Variants in TPR observed in about 807,000 individuals in gnomAD.
TPR encodes the protein translocated promoter region, nuclear basket protein.
TPR carries 51 observed loss-of-function variants against 316.1 expected under a neutral mutation model. That is an observed-to-expected ratio of 0.16 (90% confidence interval 0.13 to 0.20). The LOEUF (loss-of-function observed/expected upper bound fraction) is 0.20, where lower values mean the gene tolerates loss of function less well. Ranked by LOEUF, TPR falls within the 10% of genes least tolerant of loss-of-function variation. TPR has a pLI of 1.00. For synonymous variants in TPR, 981 were observed against 914.7 expected (o/e 1.07, Z -1.31); for missense variants, 2,272 against 2,754.8 (o/e 0.82, Z 3.92).
rs771628935 is a variant in TPR, at chr1:186,336,485, C to A, written c.4705+11G>T. 1.2e-6 allele frequency: 2 copies of A among 1,612,956 alleles called. No homozygotes were observed. Among genetic ancestry groups the A allele is most frequent in the South Asian group, 2.2e-5 (2 of 91,074 alleles). Reference sequence around the variant, plus strand: ...TTCACTACCAAGTTCAAACTTTAAACAGATATTTACCAGCTAAGTGTGCAA... The same window carrying A: ...TTCACTACCAAGTTCAAACTTTAAAAAGATATTTACCAGCTAAGTGTGCAA... On this transcript the variant is annotated intron_variant, in intron 33 of 50. Transcript: ENST00000367478.
Position 186,358,625 on chromosome 1 carries a change from G to C in TPR, c.1415C>G (p.Thr472Ser). The C allele has an allele frequency of 6.2e-7, 1 of 1,611,822 alleles. No individual in the cohort carries two copies. Among genetic ancestry groups the C allele is most frequent in the African/African-American group, 1.3e-5 (1 of 74,882 alleles). ...MKEIQRLQED[T>S]DKANKQSSVL... ...AGATGATTGCTTGTTGGCTTTATCAGTGTCCTCCTGCAATCGCTGAATCTC... is the reference window on the plus strand; with the variant it reads ...AGATGATTGCTTGTTGGCTTTATCACTGTCCTCCTGCAATCGCTGAATCTC... Residue 472 changes from threonine to serine, a missense_variant, in exon 13 of 51, where the codon ACT (threonine) becomes AGT (serine). By Grantham distance (58) the Thr-to-Ser change is moderately conservative. This residue lies in a region of TPR where 549 missense variants were observed against 598.6 expected (regional missense o/e 0.92). Coordinates refer to ENST00000367478, the MANE Select transcript of TPR (RefSeq NM_003292.3).
At chr1:186,316,620 A>G (rs74715932) in intron 49 of TPR, among the ~76,000 whole-genome samples, 3 of 152,220 alleles carry the variant, frequency 2.0e-5, no homozygotes, top group Admixed American at 6.5e-5. Flanking sequence ...AATTTGAGAT[A>G]GATGAGCTAG....
At position 186,347,354 on chromosome 1, in the gene TPR, T is replaced by C. The variant is rs1658712606; in HGVS notation, c.2881A>G (p.Asn961Asp). ...ACCATTGCTTGATATTGTTCCACATTGCTCGTACTTGTTTTGAGTCTCTCC... is the reference window on the plus strand; with the variant it reads ...ACCATTGCTTGATATTGTTCCACATCGCTCGTACTTGTTTTGAGTCTCTCC... ...LKERLKTSTS[N>D]VEQYQAMVTS... is the part of the protein sequence containing the mutation. The change falls in exon 22 of 51, where the codon AAT becomes GAT. Residue 961 changes from asparagine (N) to aspartate (D), a missense_variant. Around this residue, in one of 10 missense-constraint regions of TPR, gnomAD observed 757 missense variants for 859.8 expected, o/e 0.88. Coordinates refer to ENST00000367478, the MANE Select transcript of TPR (RefSeq NM_003292.3). 6.2e-7 allele frequency: 1 copy of C among 1,614,094 alleles called. No homozygotes were observed. The highest frequency in any genetic ancestry group is 8.5e-7 in the Non-Finnish European group (1 of 1,179,988).
At chr1:186,315,821 C>A (rs1194239752) in intron 49 of TPR, among the ~76,000 whole-genome samples, 2 of 149,810 alleles carry the variant, frequency 1.3e-5, no homozygotes, top group Non-Finnish European at 3.0e-5. Flanking sequence ...TGAACACAAG[C>A]AGACACACTG....
chr1:186,373,453 A>G lies in TPR; in HGVS notation c.162T>C (p.Tyr54=). 6.2e-7 allele frequency: 1 copy of G among 1,612,452 alleles called. No individual in the cohort carries two copies. Residue 54 remains tyrosine, a synonymous_variant, in exon 2 of 51, where the codon TAT becomes TAC. Transcript: ENST00000367478. ...GGGACAACCTCTTTTCTATTTCAAA[A>G]TACTGTTGTTCTACAGCAGACAAGC... The part of the protein sequence containing the change: ...EKFKVESEQQ[Y]FEIEKRLSHS...
At chr1:186,362,682 G>A (rs150234796) in intron 6 of TPR, among the ~76,000 whole-genome samples, 155 bp downstream of exon 6, 1 of 151,842 alleles carries the variant, frequency 6.6e-6, no homozygotes, top group Non-Finnish European at 1.5e-5. Flanking sequence ...AAACGCAATT[G>A]GTTGATTTTT....
intron 30 of TPR, 141 bp downstream of exon 30, chr1:186,339,501 A>T (rs1274176407): frequency 1.9e-6 from 1 of 529,184 alleles, no homozygotes; most frequent in Non-Finnish European, 3.0e-6. Flanking sequence ...TGACTCTACA[A>T]AGTAGATGGA....
intron 7 of TPR, 98 bp from the exon 8 acceptor site, chr1:186,361,967 G>A: frequency 8.5e-7 from 1 of 1,182,176 alleles, no homozygotes. Context: ...TAAAGTAAGA[G>A]CTAAATCTAA....
chr1:186,360,397 G>T (rs569837413), intron 10 of TPR, 33 bp from the exon 11 acceptor site: 1 of 1,604,426 alleles, frequency 6.2e-7, no homozygotes, highest in African/African-American at 1.3e-5. Context: ...AGTATAATTT[G>T]TAAAATTCCA....
At chr1:186,329,151 A>C (rs193291013) in intron 39 of TPR, among the ~76,000 whole-genome samples, 178 of 152,298 alleles carry the variant, frequency 1.2e-3, no homozygotes, top group African/African-American at 4.1e-3. Flanking sequence ...TAAAAATCCA[A>C]ATGGTATTTT....
chr1:186,355,640 T>G lies in TPR; in HGVS notation c.2017A>C (p.Lys673Gln). The change falls in exon 16 of 51, where the codon AAA becomes CAA. Residue 673 changes from lysine to glutamine, a missense_variant. By Grantham distance (53) the Lys-to-Gln change is moderately conservative. Coordinates refer to ENST00000367478, the MANE Select transcript of TPR (RefSeq NM_003292.3). ...TEAIEAKAAL[K>Q]QLQEIFENYK... is the part of the protein sequence containing the mutation. ...GACAAAGGTGTGATCTTTACCTGTT[T>G]AAGGGCAGCCTTAGCCTCTATAGCC... The G allele has an allele frequency of 6.2e-7, 1 of 1,614,142 alleles. No homozygotes were observed. The highest frequency in any genetic ancestry group is 8.5e-7 in the Non-Finnish European group (1 of 1,180,008).
Position 186,313,473 on chromosome 1 carries a change from G to A in TPR, c.*498C>T. On this transcript the variant is annotated 3_prime_UTR_variant, in exon 51 of 51. Coordinates refer to ENST00000367478, the MANE Select transcript of TPR (RefSeq NM_003292.3). Reference sequence around the variant, plus strand: ...GCTGAACCTGATTTTACAAAAAGATGGTGAAATGTCAATCTTTTGAAACAT... The same window carrying A: ...GCTGAACCTGATTTTACAAAAAGATAGTGAAATGTCAATCTTTTGAAACAT... 2 of 516,668 alleles carry A rather than the reference G, an allele frequency of 3.9e-6. No individual in the cohort carries two copies. Among genetic ancestry groups the A allele is most frequent in the East Asian group, 3.2e-5 (1 of 31,176 alleles). The allele number at this position is 516,668 out of a possible 1,614,324, so 32.0% of individuals were successfully genotyped here. A position where few individuals can be genotyped will look rare whatever the true frequency, so the allele number is the denominator to read the frequency against.
Position 186,371,011 on chromosome 1 carries a change from T to C in TPR, c.289A>G (p.Lys97Glu). The C allele has an allele frequency of 6.2e-7, 1 of 1,613,102 alleles. No individual in the cohort carries two copies. The highest frequency in any genetic ancestry group is 8.5e-7 in the Non-Finnish European group (1 of 1,179,504). Reference protein sequence around the residue: ...NQLKALTEKNKELEIAQDRNI... With the variant: ...NQLKALTEKNEELEIAQDRNI... ...CGATCCTGAGCAATTTCAAGTTCTT[T>C]GTTTTTCTCAGTTAGTGCCTTCAGT... is the stretch of plus-strand genomic sequence containing the variant. Residue 97 changes from lysine (K) to glutamate (E), a missense_variant, in exon 3 of 51, where the codon AAA becomes GAA. By Grantham distance (56) the Lys-to-Glu change is moderately conservative. Transcript: ENST00000367478.
At position 186,334,549 on chromosome 1, in the gene TPR, A is replaced by G. The variant is rs1658281025; in HGVS notation, c.4974-16T>C. On this transcript the variant is annotated splice_polypyrimidine_tract_variant and intron_variant, in intron 35 of 50. Coordinates refer to ENST00000367478, the MANE Select transcript of TPR (RefSeq NM_003292.3). Reference sequence around the variant, plus strand: ...TGTGCTGGCACTTATAGAGGAGAAAATGGAAGAATAATTAATAACAAATTA... The same window carrying G: ...TGTGCTGGCACTTATAGAGGAGAAAGTGGAAGAATAATTAATAACAAATTA... The G allele has an allele frequency of 1.2e-6, 2 of 1,602,302 alleles. No individual in the cohort carries two copies. Among genetic ancestry groups the G allele is most frequent in the East Asian group, 4.5e-5 (2 of 44,662 alleles).
rs368756242 is a variant in TPR, at chr1:186,326,060, G to A, written c.6021+44C>T. 6.2e-6 allele frequency: 10 copies of A among 1,610,102 alleles called. No individual in the cohort carries two copies. The African/African-American group carries it at 6.7e-5, about 11-fold the overall frequency. On this transcript the variant is annotated intron_variant, in intron 41 of 50. Coordinates refer to ENST00000367478, the MANE Select transcript of TPR (RefSeq NM_003292.3). The stretch of plus-strand genomic sequence containing the variant: ...CTTGGAAAACAGCAAGTGAAAGAAA[G>A]CTCATAGAAAGAACTATGAATGGTT...
chr1:186,360,477 A>G, intron 10 of TPR, 113 bp from the exon 11 acceptor site: 1 of 1,118,524 alleles, frequency 8.9e-7, no homozygotes, highest in Non-Finnish European at 1.3e-6. Context: ...ATTCCTATAA[A>G]AATTTTAAAT....
chr1:186,343,449 A>T lies in TPR; in HGVS notation c.3627T>A (p.Ile1209=). The stretch of plus-strand genomic sequence containing the variant: ...GAGCCACCTCAAACCTAGTTTCAGC[A>T]ATTTCTTTTTCTCGTCGTATAAATC... ...ILRFIRREKE[I]AETRFEVAQV... is the part of the protein sequence containing the mutation. The change falls in exon 27 of 51, where the codon ATT becomes ATA. Residue 1209 remains isoleucine (I), a synonymous_variant. Transcript: ENST00000367478. The T allele has an allele frequency of 1.2e-6, 2 of 1,613,068 alleles. No individual in the cohort carries two copies. The highest frequency in any genetic ancestry group is 2.2e-5 in the East Asian group (1 of 44,858).
intron 22 of TPR, among the ~76,000 whole-genome samples, chr1:186,346,960 T>C (rs796105355): frequency 8.5e-5 from 13 of 152,100 alleles, no homozygotes; most frequent in African/African-American, 3.1e-4. Context: ...CTCTATTTCC[T>C]ATACAGATAC....
intron 14 of TPR, among the ~76,000 whole-genome samples, chr1:186,356,710 C>T (rs1222872594): frequency 6.6e-6 from 1 of 152,162 alleles, no homozygotes; most frequent in Non-Finnish European, 1.5e-5. Flanking sequence ...AAACTCTAGT[C>T]TTCTTGCTTT....
Sources: allele counts gnomAD v4.1 joint callset (sites outside exome capture counted in the v4.1 genomes callset), GRCh38; gene constraint gnomAD v4.1.1; regional missense constraint gnomAD v4.1.1; transcripts MANE v1.5; gene names NCBI Gene and HGNC (gene_info 2026-07-23, HGNC 2026-07-21).